The following NAALADL2 variants were observed in gnomAD, a reference collection of about 807,000 sequenced individuals.
NAALADL2 encodes the protein N-acetylated alpha-linked acidic dipeptidase like 2, also known as inactive N-acetylated-alpha-linked acidic dipeptidase-like protein 2.
Under a neutral mutation model 87.2 loss-of-function variants are expected in NAALADL2, and 76 were observed. The observed-to-expected ratio is 0.87, with a 90% confidence interval of 0.72 to 1.05. The LOEUF (loss-of-function observed/expected upper bound fraction) is 1.05, where lower values mean the gene tolerates loss of function less well. Ranked by LOEUF, NAALADL2 falls within the 50% of genes least tolerant of loss-of-function variation. The pLI, the probability that NAALADL2 is intolerant of heterozygous loss-of-function variation, is 0.00. For missense variants in NAALADL2, 1,089 were observed against 945.8 expected (o/e 1.15, Z -1.99); for synonymous variants, 354 against 331.0 (o/e 1.07, Z -0.75).
intron 2 of NAALADL2, among the ~76,000 whole-genome samples, chr3:174,577,326 A>G (rs372297781): frequency 6.6e-6 from 1 of 152,302 alleles, no homozygotes; most frequent in East Asian, 1.9e-4. Flanking sequence ...TTGGAACTTT[A>G]CTGATACTGT....
chr3:174,794,380 A>T (rs956889223), intron 3 of NAALADL2, among the ~76,000 whole-genome samples: 2 of 152,150 alleles, frequency 1.3e-5, no homozygotes, highest in African/African-American at 2.4e-5. Context: ...ATATAATTAT[A>T]ATCTTCTCAT....
chr3:175,223,516 T>C (rs1743712010), intron 2 of NAALADL2, among the ~76,000 whole-genome samples: 3 of 152,156 alleles, frequency 2.0e-5, no homozygotes, highest in Admixed American at 1.3e-4. Flanking sequence ...CCACATATTC[T>C]TTACCCATTC....
intron 1 of NAALADL2, among the ~76,000 whole-genome samples, chr3:174,502,697 T>G (rs2108372321): frequency 6.6e-6 from 1 of 152,238 alleles, no homozygotes; most frequent in Admixed American, 6.5e-5. Flanking sequence ...TTTCTAACTG[T>G]TGTGTTTCCA....
At chr3:175,630,025 G>T (rs573632170) in intron 11 of NAALADL2, among the ~76,000 whole-genome samples, 53 of 151,762 alleles carry the variant, frequency 3.5e-4, no homozygotes, top group Admixed American at 6.6e-4. Context: ...CAAGAGTTCC[G>T]TGAGGTTTTT....
chr3:174,688,121 TA>T (rs1728217141), intron 2 of NAALADL2, among the ~76,000 whole-genome samples: 2 of 152,314 alleles, frequency 1.3e-5, no homozygotes, highest in Admixed American at 1.3e-4. Context: ...CCTGAAAATT[TA>T]GCTGTTGGCT....
intron 2 of NAALADL2, among the ~76,000 whole-genome samples, chr3:174,710,691 T>C (rs1730544597): frequency 6.6e-6 from 1 of 152,166 alleles, no homozygotes; most frequent in Non-Finnish European, 1.5e-5. Flanking sequence ...GCAGGCAGCC[T>C]CTGCGAGCTG....
chr3:174,872,559 C>G (rs1445145305), intron 1 of NAALADL2, among the ~76,000 whole-genome samples: 1 of 152,090 alleles, frequency 6.6e-6, no homozygotes, highest in Non-Finnish European at 1.5e-5. Context: ...TGCCTTTGTT[C>G]ATCCAACAAA....
chr3:175,425,599 C>G (rs971823912), intron 5 of NAALADL2, among the ~76,000 whole-genome samples: 54 of 151,980 alleles, frequency 3.6e-4, no homozygotes, highest in African/African-American at 1.2e-3. Context: ...GGATTGGAGT[C>G]TGTGGCCTCT....
chr3:175,204,868 AAAAT>A (rs1333872932), intron 2 of NAALADL2, among the ~76,000 whole-genome samples: 1 of 152,028 alleles, frequency 6.6e-6, no homozygotes, highest in African/African-American at 2.4e-5. Flanking sequence ...TAATAATAAT[AAAAT>A]AAAATAATTA....
At chr3:174,969,426 C>T (rs1007348874) in intron 1 of NAALADL2, among the ~76,000 whole-genome samples, 3 of 152,176 alleles carry the variant, frequency 2.0e-5, no homozygotes, top group African/African-American at 7.2e-5. Flanking sequence ...ATTTTGTAAT[C>T]TGCACCATTA....
At chr3:174,487,018 C>G (rs1419016653) in intron 1 of NAALADL2, among the ~76,000 whole-genome samples, 4 of 151,962 alleles carry the variant, frequency 2.6e-5, no homozygotes, top group Non-Finnish European at 4.4e-5. Context: ...TTTTTTTAAA[C>G]AGGTGCTAGG....
At chr3:175,184,380 T>C (rs1449804179) in intron 2 of NAALADL2, among the ~76,000 whole-genome samples, 2 of 152,150 alleles carry the variant, frequency 1.3e-5, no homozygotes, top group African/African-American at 2.4e-5. Context: ...GATAATGAAC[T>C]AAATTCATTT....
intron 1 of NAALADL2, among the ~76,000 whole-genome samples, chr3:175,092,304 G>C (rs930751164): frequency 6.6e-6 from 1 of 150,550 alleles, no homozygotes; most frequent in Non-Finnish European, 1.5e-5. Context: ...ATTTGAACCA[G>C]ATAGCCTCAC....
rs71164650 is a variant in NAALADL2, at chr3:175,737,714, G to GTTTTTTTTTTT, written c.1990+335_1990+345dup. Among the ~76,000 whole-genome samples, 149 of 54,756 alleles carry GTTTTTTTTTTT rather than the reference G, an allele frequency of 2.7e-3. 30 individuals carry two copies. The highest frequency in any genetic ancestry group is 0.011 in the African/African-American group (139 of 12,156). The allele number at this position is 54,756 out of a possible 152,430, so 35.9% of individuals were successfully genotyped here. On this transcript the variant is annotated intron_variant, in intron 12 of 13. Transcript: ENST00000454872. ...TAGAATAATACAGTTCAATGATCCA[G>GTTTTTTTTTTT]TTTTTTTTTTTTTTTTTTTTTTTTT... is the stretch of plus-strand genomic sequence containing the variant.
chr3:175,577,085 A>G (rs1029769870), intron 10 of NAALADL2, among the ~76,000 whole-genome samples: 4 of 152,194 alleles, frequency 2.6e-5, no homozygotes, highest in African/African-American at 9.6e-5. Flanking sequence ...ATTCTTACTT[A>G]TTATGTGTCT....
intron 2 of NAALADL2, among the ~76,000 whole-genome samples, chr3:174,700,928 A>AT (rs1729486853): frequency 6.6e-6 from 1 of 152,162 alleles, no homozygotes; most frequent in Admixed American, 6.6e-5. Flanking sequence ...CTGTTGGATA[A>AT]TGGAGCTTAG....
At chr3:175,168,642 C>G (rs1055199842) in intron 2 of NAALADL2, among the ~76,000 whole-genome samples, 5 of 151,638 alleles carry the variant, frequency 3.3e-5, no homozygotes, top group African/African-American at 1.2e-4. Context: ...GTAAATATAT[C>G]AATATCAAAG....
intron 13 of NAALADL2, among the ~76,000 whole-genome samples, chr3:175,780,770 A>AT (rs888627306): frequency 1.3e-5 from 2 of 152,276 alleles, no homozygotes; most frequent in South Asian, 4.1e-4. Context: ...CAATGAAGTC[A>AT]TTTTTTTAAA....
chr3:175,330,236 A>T (rs1387388882), intron 5 of NAALADL2, among the ~76,000 whole-genome samples: 1 of 152,204 alleles, frequency 6.6e-6, no homozygotes, highest in South Asian at 2.1e-4. Context: ...TGATTAGTTT[A>T]AAAATTTTGT....
Sources: allele counts gnomAD v4.1 joint callset (sites outside exome capture counted in the v4.1 genomes callset), GRCh38; gene constraint gnomAD v4.1.1; transcripts MANE v1.5; gene names NCBI Gene and HGNC (gene_info 2026-07-23, HGNC 2026-07-21).